Variants in AUTS2 observed in about 807,000 individuals in gnomAD.
AUTS2 encodes autism susceptibility gene 2 protein.
A neutral mutation model predicts 112.4 loss-of-function variants in AUTS2; 17 were observed. That is an observed-to-expected ratio of 0.15 (90% CI 0.10 to 0.23). The LOEUF is 0.23. Ranked by LOEUF, AUTS2 falls within the 10% of genes least tolerant of loss-of-function variation. AUTS2 has a pLI of 1.00. For missense variants in AUTS2, 1,510 were observed against 1,701.6 expected (o/e 0.89, Z 1.98); for synonymous variants, 751 against 702.7 (o/e 1.07, Z -1.09).
At chr7:70,734,379 G>T (rs1293881904) in intron 6 of AUTS2, among the ~76,000 whole-genome samples, 1 of 151,978 alleles carries the variant, frequency 6.6e-6, no homozygotes, top group Non-Finnish European at 1.5e-5. Context: ...AGTGGAGCTT[G>T]CAGTGAGCCA....
In AUTS2 at chr7:70,776,271, G is replaced by A. The variant is rs76984939; in HGVS notation, c.1933-832G>A. ...TGTCCAGTAGTCACTGAGCGCGCACGCCGAGCTTATGGGTAGATTACTTAG... is the reference window on the plus strand; with the variant it reads ...TGTCCAGTAGTCACTGAGCGCGCACACCGAGCTTATGGGTAGATTACTTAG... On this transcript the variant is annotated intron_variant, in intron 13 of 18. Transcript: ENST00000342771. Among the ~76,000 whole-genome samples, 17 of 152,274 alleles carry A rather than the reference G, an allele frequency of 1.1e-4. No individual in the cohort carries two copies. In the East Asian group the frequency reaches 3.3e-3, roughly 29 times the overall value.
chr7:70,516,409 A>G (rs1799420392), intron 5 of AUTS2, among the ~76,000 whole-genome samples: 1 of 152,204 alleles, frequency 6.6e-6, no homozygotes, highest in Admixed American at 6.5e-5. Context: ...TTGCTCATCA[A>G]AAGTATGAAA....
intron 5 of AUTS2, among the ~76,000 whole-genome samples, chr7:70,622,458 G>A (rs969048838): frequency 2.6e-5 from 4 of 151,980 alleles, no homozygotes; most frequent in Non-Finnish European, 4.4e-5. Flanking sequence ...CATCCCCACC[G>A]TTGCTACCCA....
chr7:70,164,364 G>T (rs1374353217), intron 4 of AUTS2, among the ~76,000 whole-genome samples: 1 of 152,002 alleles, frequency 6.6e-6, no homozygotes, highest in Non-Finnish European at 1.5e-5. Flanking sequence ...ATCTTTTTCT[G>T]TTGTAGTATC....
At chr7:69,800,763 C>T (rs1377222084) in intron 1 of AUTS2, among the ~76,000 whole-genome samples, 1 of 152,128 alleles carries the variant, frequency 6.6e-6, no homozygotes, top group Non-Finnish European at 1.5e-5. Flanking sequence ...CCCTGCCCAC[C>T]TCTCCAGGGT....
chr7:70,580,856 A>C (rs1456789739), intron 5 of AUTS2, among the ~76,000 whole-genome samples: 1 of 152,180 alleles, frequency 6.6e-6, no homozygotes, highest in Non-Finnish European at 1.5e-5. Flanking sequence ...GAGTCCGCTG[A>C]AAATGTATTT....
intron 5 of AUTS2, among the ~76,000 whole-genome samples, chr7:70,584,744 C>T (rs1802606306): frequency 6.6e-6 from 1 of 152,240 alleles, no homozygotes; most frequent in South Asian, 2.1e-4. Flanking sequence ...TGGCCTTGCT[C>T]TGAAGAAGGA....
At chr7:70,183,799 T>A (rs933143371) in intron 4 of AUTS2, among the ~76,000 whole-genome samples, 5 of 152,096 alleles carry the variant, frequency 3.3e-5, no homozygotes, top group African/African-American at 1.2e-4. Flanking sequence ...GCAAAGAGAT[T>A]TAGGAGGTAA....
chr7:69,693,645 A>T (rs1223450319), intron 1 of AUTS2, among the ~76,000 whole-genome samples: 3 of 152,082 alleles, frequency 2.0e-5, no homozygotes, highest in Non-Finnish European at 4.4e-5. Context: ...GGTAGAGGAG[A>T]TACTGTGATA....
intron 3 of AUTS2, among the ~76,000 whole-genome samples, chr7:70,127,564 A>G (rs1161340577): frequency 1.3e-5 from 2 of 152,232 alleles, no homozygotes; most frequent in East Asian, 3.8e-4. Flanking sequence ...TTTAATGACT[A>G]TATGAATATG....
chr7:69,859,940 G>A (rs1792899910), intron 1 of AUTS2, among the ~76,000 whole-genome samples: 1 of 152,160 alleles, frequency 6.6e-6, no homozygotes, highest in African/African-American at 2.4e-5. Flanking sequence ...TAGACAGGTA[G>A]CAGAGTGAAT....
intron 2 of AUTS2, among the ~76,000 whole-genome samples, chr7:70,061,199 C>T (rs987372324): frequency 3.3e-5 from 5 of 152,060 alleles, no homozygotes; most frequent in South Asian, 2.1e-4. Context: ...TGTTTATGTG[C>T]GAAATGGAGA....
intron 1 of AUTS2, among the ~76,000 whole-genome samples, chr7:69,891,145 A>G (rs936853687): frequency 3.3e-5 from 5 of 152,136 alleles, no homozygotes; most frequent in South Asian, 2.1e-4. Flanking sequence ...CCTTCTTCCT[A>G]TCTCTCCCAG....
intron 5 of AUTS2, among the ~76,000 whole-genome samples, chr7:70,673,186 C>T (rs1807735672): frequency 6.6e-6 from 1 of 152,056 alleles, no homozygotes; most frequent in Admixed American, 6.6e-5. Context: ...CCCATATGCC[C>T]CCCAGGGACA....
chr7:69,960,217 C>T (rs1797375286), intron 2 of AUTS2, among the ~76,000 whole-genome samples: 1 of 152,106 alleles, frequency 6.6e-6, no homozygotes. Context: ...GTATATACAG[C>T]TATAATTACT....
chr7:70,221,308 T>C (rs1811473146), intron 4 of AUTS2, among the ~76,000 whole-genome samples: 1 of 152,244 alleles, frequency 6.6e-6, no homozygotes. Context: ...TTCATAAATA[T>C]TTAAGCATGC....
At chr7:69,716,359 A>T (rs1479548811) in intron 1 of AUTS2, among the ~76,000 whole-genome samples, 1 of 151,868 alleles carries the variant, frequency 6.6e-6, no homozygotes, top group Non-Finnish European at 1.5e-5. Flanking sequence ...TAGATTAGGG[A>T]GGTGACTAGG....
chr7:70,762,985 A>G lies in AUTS2; in HGVS notation c.858A>G (p.Lys286=). Residue 286 remains lysine, a synonymous_variant, in exon 7 of 19, where the codon AAA becomes AAG. Coordinates refer to ENST00000342771, the MANE Select transcript of AUTS2 (RefSeq NM_015570.4). ...RSQEKSQDCC[K]EPIFEPVVLK... ...AGGAGAAGAGCCAGGACTGTTGCAA[A>G]GAGCCAATCTTTGAGCCTGTGGTGC... is the stretch of plus-strand genomic sequence containing the variant. 2 of 1,614,176 alleles carry G rather than the reference A, an allele frequency of 1.2e-6. No individual in the cohort carries two copies. The highest frequency in any genetic ancestry group is 1.7e-5 in the Admixed American group (1 of 60,026).
chr7:70,033,743 CAT>C (rs1471535048), intron 2 of AUTS2, among the ~76,000 whole-genome samples: 1 of 151,876 alleles, frequency 6.6e-6, no homozygotes, highest in Non-Finnish European at 1.5e-5. Context: ...ACAGCTCACT[CAT>C]ATGTGGGAGC....
Sources: allele counts gnomAD v4.1 joint callset (sites outside exome capture counted in the v4.1 genomes callset), GRCh38; gene constraint gnomAD v4.1.1; transcripts MANE v1.5; gene names NCBI Gene and HGNC (gene_info 2026-07-23, HGNC 2026-07-21).